CES5A: variants seen among roughly 807,000 people sequenced by gnomAD.
CES5A encodes carboxylesterase 5.
A neutral mutation model predicts 62.9 loss-of-function variants in CES5A; 67 were observed. That is an observed-to-expected ratio of 1.07 (90% confidence interval 0.88 to 1.31). The LOEUF is 1.31. Among genes scored for constraint, CES5A ranks in the 50% most tolerant of loss-of-function variants. The pLI is 0.00. For synonymous variants in CES5A, 296 were observed against 280.8 expected (o/e 1.05, Z -0.54); for missense variants, 748 against 708.5 (o/e 1.06, Z -0.63).
At position 55,869,797 on chromosome 16, in the gene CES5A, C is replaced by T; in HGVS notation, c.418-53G>A. ...AGCCCACCAGGCACCACCTCCCCTCCCCATGCAGTTTGAGGCACACGTTCT... is the reference window on the plus strand; with the variant it reads ...AGCCCACCAGGCACCACCTCCCCTCTCCATGCAGTTTGAGGCACACGTTCT... On this transcript the variant is annotated intron_variant, in intron 3 of 12. Transcript: ENST00000290567. 13 of 1,547,940 alleles carry T rather than the reference C, an allele frequency of 8.4e-6. 1 individual carries two copies. The South Asian group carries it at 1.6e-4, about 19-fold the overall frequency.
chr16:55,857,593 C>T (rs1262506091), intron 8 of CES5A, among the ~76,000 whole-genome samples: 9 of 152,160 alleles, frequency 5.9e-5, no homozygotes, highest in South Asian at 4.1e-4. Flanking sequence ...CTTATCTGTA[C>T]ATTAAGGAGC....
intron 1 of CES5A, among the ~76,000 whole-genome samples, chr16:55,886,663 C>T (rs913375946): frequency 6.6e-6 from 1 of 152,144 alleles, no homozygotes; most frequent in Admixed American, 6.5e-5. Context: ...GGGAATCAAA[C>T]TCTCTTTGGT....
intron 7 of CES5A, 25 bp from the exon 8 acceptor site, chr16:55,859,712 C>T (rs766777981): frequency 2.5e-6 from 4 of 1,577,360 alleles, no homozygotes; most frequent in Non-Finnish European, 3.4e-6. Flanking sequence ...AAAAAAAAAT[C>T]ATCAGCTATC....
Position 55,846,209 on chromosome 16 carries a change from A to G in CES5A, c.*242T>C, listed in dbSNP as rs1423523987. The stretch of plus-strand genomic sequence containing the variant: ...GAGTTACAAAACCATTATTATGACA[A>G]CTAATAGGCCAGCCCTCTTCCAAAT... On this transcript the variant is annotated 3_prime_UTR_variant, in exon 13 of 13. Transcript: ENST00000290567. 1 of 556,070 alleles carries G rather than the reference A, an allele frequency of 1.8e-6. No individual in the cohort carries two copies. Among genetic ancestry groups the G allele is most frequent in the African/African-American group, 1.9e-5 (1 of 53,008 alleles). The allele number at this position is 556,070 out of a possible 1,614,324, so 34.4% of individuals were successfully genotyped here. A position where few individuals can be genotyped will look rare whatever the true frequency, so the allele number is the denominator to read the frequency against.
intron 1 of CES5A, among the ~76,000 whole-genome samples, chr16:55,890,208 G>T (rs1430132349): frequency 6.6e-6 from 1 of 150,474 alleles, no homozygotes; most frequent in African/African-American, 2.4e-5. Context: ...GAAAGCTTAA[G>T]AAGAATTCCA....
At chr16:55,898,169 T>G (rs1182391547) in intron 1 of CES5A, among the ~76,000 whole-genome samples, 1 of 152,156 alleles carries the variant, frequency 6.6e-6, no homozygotes, top group Non-Finnish European at 1.5e-5. Flanking sequence ...GCACTAAGGA[T>G]TTGTGTGCTT....
intron 1 of CES5A, among the ~76,000 whole-genome samples, chr16:55,952,290 T>A (rs1291083870): frequency 2.0e-5 from 3 of 152,098 alleles, no homozygotes; most frequent in African/African-American, 7.2e-5. Context: ...TGAAAATTTA[T>A]AGTCTCAAAT....
chr16:55,945,197 A>C (rs561166681), intron 2 of CES5A, among the ~76,000 whole-genome samples: 4 of 143,934 alleles, frequency 2.8e-5, no homozygotes, highest in Admixed American at 2.7e-4. Context: ...TTAATGCCCA[A>C]ATTAATAGCT....
At chr16:55,896,095 A>G (rs2033929830) in intron 1 of CES5A, among the ~76,000 whole-genome samples, 1 of 152,202 alleles carries the variant, frequency 6.6e-6, no homozygotes, top group African/African-American at 2.4e-5. Flanking sequence ...ACAGCTCCAC[A>G]TAGCTTAGGA....
chr16:55,919,523 G>A, intron 1 of CES5A, among the ~76,000 whole-genome samples: 1 of 152,050 alleles, frequency 6.6e-6, no homozygotes, highest in African/African-American at 2.4e-5. Context: ...ACGACTCTCA[G>A]CCCAGAACCC....
Position 55,902,333 on chromosome 16 carries a change from C to T in CES5A, c.-256+22990G>A, listed in dbSNP as rs140924686. ...GTCAAGTCCCAAGGATGGCCATCCC[C>T]ACTCTCCCCCCACAAGTTATTACAA... On this transcript the variant is annotated intron_variant, in intron 1 of 12. Transcript: ENST00000518005. 4.6e-5 allele frequency among the ~76,000 whole-genome samples: 7 copies of T among 152,274 alleles called. No individual in the cohort carries two copies. The East Asian group carries it at 1.4e-3, about 29-fold the overall frequency.
upstream of CES5A, among the ~76,000 whole-genome samples, chr16:55,926,197 AT>A (rs2034256045): frequency 2.6e-5 from 4 of 152,290 alleles, no homozygotes; most frequent in South Asian, 8.3e-4. Flanking sequence ...ATCCTTACAA[AT>A]TATGTGAATA....
intron 1 of CES5A, among the ~76,000 whole-genome samples, chr16:55,881,673 TCTC>T (rs2033763503): frequency 6.6e-6 from 1 of 152,030 alleles, no homozygotes; most frequent in Admixed American, 6.6e-5. Flanking sequence ...AATAAATACA[TCTC>T]CTAGAATGAG....
intron 1 of CES5A, among the ~76,000 whole-genome samples, chr16:55,908,291 T>C (rs1443373040): frequency 6.6e-6 from 1 of 152,230 alleles, no homozygotes; most frequent in African/African-American, 2.4e-5. Context: ...CAGTCCCATC[T>C]GTCAGCATCC....
intron 2 of CES5A, among the ~76,000 whole-genome samples, chr16:55,872,558 C>T (rs1428000708): frequency 1.3e-5 from 2 of 152,304 alleles, no homozygotes; most frequent in East Asian, 1.9e-4. Flanking sequence ...CATGATACAC[C>T]GTAAGATTAA....
chr16:55,885,789 G>A (rs896020822), intron 1 of CES5A, among the ~76,000 whole-genome samples: 8 of 152,186 alleles, frequency 5.3e-5, no homozygotes, highest in East Asian at 1.9e-4. Flanking sequence ...TTGGAAGCCC[G>A]CAAAGTTCAT....
chr16:55,931,672 G>T (rs1216890604), intron 2 of CES5A, among the ~76,000 whole-genome samples: 2 of 152,074 alleles, frequency 1.3e-5, no homozygotes, highest in Non-Finnish European at 2.9e-5. Context: ...TCTGTCCTTT[G>T]GGGCCTGCCT....
upstream of CES5A, among the ~76,000 whole-genome samples, chr16:55,877,786 C>G (rs2033714102): frequency 6.6e-6 from 1 of 152,144 alleles, no homozygotes; most frequent in Admixed American, 6.5e-5. Flanking sequence ...GATGAGGAAA[C>G]TGATATTTTG....
rs147727760 is a variant in CES5A, at chr16:55,852,892, C to G, written c.1262G>C (p.Arg421Pro). The part of the protein sequence containing the change: ...FFVVPALITA[R>P]YHRDAGAPVY... The stretch of plus-strand genomic sequence containing the variant: ...GCTCAGATACTCACCTCTGTGATAT[C>G]GAGCTGTGATCAGTGCAGGGACCAC... The change falls in exon 10 of 13, where the codon CGA becomes CCA. Residue 421 changes from arginine (R) to proline (P), a missense_variant. Transcript: ENST00000290567. The G allele has an allele frequency of 1.0e-3, 1,660 of 1,613,162 alleles. 14 individuals are homozygous for G. The Middle Eastern group carries it at 0.037, about 36-fold the overall frequency.
Sources: allele counts gnomAD v4.1 joint callset (sites outside exome capture counted in the v4.1 genomes callset), GRCh38; gene constraint gnomAD v4.1.1; transcripts MANE v1.5; gene names NCBI Gene and HGNC (gene_info 2026-07-23, HGNC 2026-07-21).